TBC1D22A: variants seen among roughly 807,000 people sequenced by gnomAD.
The protein encoded by TBC1D22A is TBC1 domain family member 22A.
In TBC1D22A, 38 loss-of-function variants were observed where a neutral mutation model predicts 60.2. The ratio of observed to expected loss-of-function variants is 0.63; its 90% CI spans 0.49 to 0.83. The LOEUF (loss-of-function observed/expected upper bound fraction) is 0.83, where lower values mean the gene tolerates loss of function less well. Ranked by LOEUF, TBC1D22A falls within the 40% of genes least tolerant of loss-of-function variation. TBC1D22A has a pLI of 0.00. For synonymous variants in TBC1D22A, 302 were observed against 281.7 expected (o/e 1.07, Z -0.72); for missense variants, 628 against 701.0 (o/e 0.90, Z 1.18).
intron 11 of TBC1D22A, among the ~76,000 whole-genome samples, chr22:47,082,816 G>A (rs1035419378): frequency 6.6e-6 from 1 of 152,154 alleles, no homozygotes; most frequent in Non-Finnish European, 1.5e-5. Context: ...TGGAAAACTG[G>A]CACTTTCTTA....
At chr22:47,018,359 A>G (rs1050253981) in intron 10 of TBC1D22A, among the ~76,000 whole-genome samples, 2 of 152,078 alleles carry the variant, frequency 1.3e-5, no homozygotes, top group Non-Finnish European at 2.9e-5. Context: ...TTTGTCCTTG[A>G]TTTGTTGTTT....
intron 4 of TBC1D22A, among the ~76,000 whole-genome samples, chr22:46,834,628 G>A (rs1451741392): frequency 6.6e-6 from 1 of 152,206 alleles, no homozygotes. Context: ...TAGTTTGGGA[G>A]CAACTAAGAG....
At chr22:46,939,363 G>A (rs1428175125) in intron 8 of TBC1D22A, among the ~76,000 whole-genome samples, 1 of 152,226 alleles carries the variant, frequency 6.6e-6, no homozygotes, top group Non-Finnish European at 1.5e-5. Flanking sequence ...CTAAGGATAT[G>A]AAGGGAATAT....
At chr22:47,154,689 C>CTGT (rs1278780309) in intron 12 of TBC1D22A, among the ~76,000 whole-genome samples, 3 of 152,226 alleles carry the variant, frequency 2.0e-5, no homozygotes, top group Non-Finnish European at 4.4e-5. Context: ...GACGGCAGCT[C>CTGT]TGTTAGGCAG....
chr22:46,975,699 T>G (rs1404091010), intron 9 of TBC1D22A, among the ~76,000 whole-genome samples: 2 of 152,242 alleles, frequency 1.3e-5, no homozygotes. Flanking sequence ...CTCATCTACT[T>G]GATTCAGAAT....
At chr22:47,127,441 T>G (rs2066504398) in intron 12 of TBC1D22A, among the ~76,000 whole-genome samples, 1 of 143,246 alleles carries the variant, frequency 7.0e-6, no homozygotes, top group African/African-American at 2.6e-5. Flanking sequence ...GCCAGGCTGG[T>G]CTCGAACCCC....
At chr22:47,065,612 C>T in intron 11 of TBC1D22A, among the ~76,000 whole-genome samples, 1 of 152,268 alleles carries the variant, frequency 6.6e-6, no homozygotes, top group Admixed American at 6.5e-5. Context: ...TGTGGGTCTC[C>T]ACGAGGACTT....
intron 4 of TBC1D22A, among the ~76,000 whole-genome samples, chr22:46,827,854 G>T (rs550887838): frequency 6.6e-6 from 1 of 152,182 alleles, no homozygotes. Flanking sequence ...TGTCTTATCC[G>T]CAGGGACTGT....
intron 9 of TBC1D22A, among the ~76,000 whole-genome samples, chr22:46,995,672 G>T (rs2075098798): frequency 6.6e-6 from 1 of 152,122 alleles, no homozygotes; most frequent in African/African-American, 2.4e-5. Context: ...GGAGCTGGGG[G>T]TTCTGTGAGT....
intron 3 of TBC1D22A, among the ~76,000 whole-genome samples, chr22:46,794,672 G>A (rs1191374872): frequency 3.9e-5 from 6 of 152,356 alleles, no homozygotes; most frequent in East Asian, 1.9e-4. Context: ...GGCACAGAGC[G>A]TGCTGGGAGG....
At chr22:47,029,424 A>G (rs1322018857) in intron 10 of TBC1D22A, among the ~76,000 whole-genome samples, 3 of 152,152 alleles carry the variant, frequency 2.0e-5, no homozygotes, top group Non-Finnish European at 4.4e-5. Flanking sequence ...CGGGGTTTCT[A>G]TTGAGGTTCA....
At chr22:47,062,936 T>TAC (rs974655065) in intron 11 of TBC1D22A, among the ~76,000 whole-genome samples, 14 of 151,580 alleles carry the variant, frequency 9.2e-5, no homozygotes, top group African/African-American at 3.4e-4. Context: ...AGTTAGTTGG[T>TAC]ACTGCATCTG....
chr22:47,105,166 A>C (rs75495665), intron 11 of TBC1D22A, among the ~76,000 whole-genome samples: 5 of 152,022 alleles, frequency 3.3e-5, no homozygotes, highest in African/African-American at 4.8e-5. Flanking sequence ...TAAAAAAAAA[A>C]CCTAGCTCAT....
chr22:46,874,217 C>T (rs898327127), intron 4 of TBC1D22A, among the ~76,000 whole-genome samples: 1 of 152,068 alleles, frequency 6.6e-6, no homozygotes, highest in Non-Finnish European at 1.5e-5. Flanking sequence ...CATGTCTTTG[C>T]TATAGTGAAT....
At chr22:47,008,059 G>A (rs1307423180) in intron 10 of TBC1D22A, among the ~76,000 whole-genome samples, 2 of 152,210 alleles carry the variant, frequency 1.3e-5, no homozygotes, top group African/African-American at 4.8e-5. Context: ...ATAATGCCAT[G>A]AGGGAAGGAA....
chr22:46,794,865 T>C (rs2084584698), intron 3 of TBC1D22A, among the ~76,000 whole-genome samples: 1 of 152,182 alleles, frequency 6.6e-6, no homozygotes, highest in Non-Finnish European at 1.5e-5. Flanking sequence ...CTGGCCCTCA[T>C]AGGTACCTCC....
At chr22:47,040,107 G>A (rs539381025) in intron 11 of TBC1D22A, among the ~76,000 whole-genome samples, 1 of 151,898 alleles carries the variant, frequency 6.6e-6, no homozygotes, top group Non-Finnish European at 1.5e-5. Context: ...ACCACGCCCG[G>A]CTAATTTTTT....
intron 9 of TBC1D22A, among the ~76,000 whole-genome samples, chr22:46,995,739 TCA>T (rs1227891349): frequency 1.3e-5 from 2 of 152,100 alleles, no homozygotes; most frequent in African/African-American, 4.8e-5. Flanking sequence ...GTGTGCCCTG[TCA>T]CCCTTCCTCC....
At chr22:46,967,940 C>T (rs1411221360) in intron 8 of TBC1D22A, among the ~76,000 whole-genome samples, 1 of 152,082 alleles carries the variant, frequency 6.6e-6, no homozygotes, top group African/African-American at 2.4e-5. Context: ...TCCAGAGCAC[C>T]CCCTGGTAAT....
Sources: gnomAD v4.1 joint callset for allele counts (sites outside exome capture counted in the v4.1 genomes callset) on GRCh38, gnomAD v4.1.1 for gene constraint, MANE v1.5 for transcripts, NCBI Gene and HGNC (gene_info 2026-07-23, HGNC 2026-07-21) for gene names.